The following NTM variants were observed in gnomAD, a reference collection of about 807,000 sequenced individuals.
NTM encodes IgLON family member 2.
Under a neutral mutation model 42.1 loss-of-function variants are expected in NTM, and 13 were observed. The observed-to-expected ratio is 0.31, with a 90% confidence interval of 0.20 to 0.49. NTM has a LOEUF of 0.49. Among genes scored for constraint, NTM ranks in the 20% least tolerant of loss-of-function variants. NTM has a pLI of 0.99. For missense variants in NTM, 373 were observed against 452.8 expected (o/e 0.82, Z 1.60); for synonymous variants, 187 against 179.2 (o/e 1.04, Z -0.35).
chr11:132,121,687 T>G, intron 2 of NTM, among the ~76,000 whole-genome samples: 1 of 152,222 alleles, frequency 6.6e-6, no homozygotes, highest in East Asian at 1.9e-4. Flanking sequence ...CACACAGCTC[T>G]GTGTCCCTCG....
chr11:131,983,064 T>G (rs888144243), intron 2 of NTM, among the ~76,000 whole-genome samples: 4 of 151,942 alleles, frequency 2.6e-5, no homozygotes, highest in African/African-American at 9.7e-5. Context: ...TTTTTTTTTT[T>G]TTTAGTCATA....
chr11:132,152,449 T>C (rs2072168732), intron 3 of NTM, among the ~76,000 whole-genome samples: 1 of 152,240 alleles, frequency 6.6e-6, no homozygotes, highest in Non-Finnish European at 1.5e-5. Flanking sequence ...ACCTCTCTTT[T>C]TCCTGTCCCA....
intron 1 of NTM, among the ~76,000 whole-genome samples, chr11:131,820,891 C>T (rs1474238730): frequency 6.6e-5 from 10 of 152,110 alleles, no homozygotes; most frequent in South Asian, 2.1e-4. Context: ...CTATTACAAA[C>T]GCGGCCACTA....
chr11:131,605,889 A>AT (rs1303013447), intron 1 of NTM: 1 of 982,396 alleles, frequency 1.0e-6, no homozygotes, highest in African/African-American at 1.7e-5. Flanking sequence ...ACCCCACTCT[A>AT]TTAATCATTG....
chr11:131,609,200 C>T (rs984454749), intron 1 of NTM, among the ~76,000 whole-genome samples: 1 of 152,218 alleles, frequency 6.6e-6, no homozygotes, highest in Non-Finnish European at 1.5e-5. Context: ...GATCTGACTG[C>T]CAGGGTTCCT....
At chr11:131,435,941 A>G (rs559477392) in intron 1 of NTM, among the ~76,000 whole-genome samples, 1 of 152,294 alleles carries the variant, frequency 6.6e-6, no homozygotes, top group East Asian at 1.9e-4. Flanking sequence ...AATAGCTTTT[A>G]TTATTTTAAG....
At chr11:132,068,900 C>A (rs1435721373) in intron 2 of NTM, among the ~76,000 whole-genome samples, 2 of 152,218 alleles carry the variant, frequency 1.3e-5, no homozygotes, top group East Asian at 1.9e-4. Flanking sequence ...TGAGACCCAC[C>A]CAGATTATCC....
intron 1 of NTM, among the ~76,000 whole-genome samples, chr11:131,774,691 G>A (rs1444442013): frequency 1.3e-5 from 2 of 152,206 alleles, no homozygotes; most frequent in African/African-American, 4.8e-5. Context: ...TGCCCTCAGA[G>A]CAGTTCTCTT....
chr11:132,024,316 T>C (rs1351159840), intron 2 of NTM, among the ~76,000 whole-genome samples: 8 of 152,178 alleles, frequency 5.3e-5, no homozygotes, highest in African/African-American at 1.9e-4. Flanking sequence ...GCAGTTGTCC[T>C]GGCCTTCAGT....
chr11:131,704,296 G>A (rs2076365210), intron 1 of NTM, among the ~76,000 whole-genome samples: 1 of 152,144 alleles, frequency 6.6e-6, no homozygotes, highest in Non-Finnish European at 1.5e-5. Context: ...CATCCATGGG[G>A]ACCAAGGCTC....
intron 1 of NTM, among the ~76,000 whole-genome samples, chr11:131,488,972 A>G (rs1954481742): frequency 6.6e-6 from 1 of 152,244 alleles, no homozygotes; most frequent in South Asian, 2.1e-4. Flanking sequence ...TCTAAAATCC[A>G]GGAAGGCATT....
chr11:132,095,185 T>G (rs894167088), intron 2 of NTM, among the ~76,000 whole-genome samples: 1 of 152,178 alleles, frequency 6.6e-6, no homozygotes, highest in Non-Finnish European at 1.5e-5. Context: ...TGTCTGCAGA[T>G]CTGAGGATCC....
At chr11:131,782,337 A>G (rs930768267) in intron 1 of NTM, among the ~76,000 whole-genome samples, 2 of 152,048 alleles carry the variant, frequency 1.3e-5, no homozygotes, top group African/African-American at 2.4e-5. Context: ...AATAGTCACA[A>G]GAATAAATAG....
chr11:131,456,961 A>G (rs146025519), intron 1 of NTM, among the ~76,000 whole-genome samples: 2 of 152,280 alleles, frequency 1.3e-5, no homozygotes, highest in Admixed American at 1.3e-4. Context: ...ATGCTGGATG[A>G]CGGAGGTCCA....
intron 1 of NTM, among the ~76,000 whole-genome samples, chr11:131,651,927 C>T (rs556599806): frequency 7.3e-5 from 11 of 151,668 alleles, no homozygotes; most frequent in African/African-American, 2.2e-4. Flanking sequence ...TCAGCTCATC[C>T]GCTGTGCTGT....
intron 1 of NTM, among the ~76,000 whole-genome samples, chr11:131,569,829 C>T (rs976540252): frequency 6.6e-6 from 1 of 152,202 alleles, no homozygotes; most frequent in African/African-American, 2.4e-5. Flanking sequence ...AATTCTCCCA[C>T]CACAGCTTCC....
chr11:132,334,365 C>T (rs576720213), intron 8 of NTM, among the ~76,000 whole-genome samples: 1 of 152,344 alleles, frequency 6.6e-6, no homozygotes, highest in South Asian at 2.1e-4. Flanking sequence ...GGAAGGCTTC[C>T]TGTTCCTTTG....
chr11:131,752,298 T>TG (rs2082662135), intron 1 of NTM, among the ~76,000 whole-genome samples: 1 of 152,224 alleles, frequency 6.6e-6, no homozygotes, highest in Non-Finnish European at 1.5e-5. Context: ...ATGCTCATCA[T>TG]CACTGACCAT....
chr11:132,275,692 A>ATATATATATGTATATATATACG (rs2093679351), intron 4 of NTM, among the ~76,000 whole-genome samples: 1 of 83,326 alleles, frequency 1.2e-5, no homozygotes. Context: ...TTGATGTTTT[A>ATATATATATGTATATATATACG]TATATATATG....
Sources: allele counts gnomAD v4.1 joint callset (sites outside exome capture counted in the v4.1 genomes callset), GRCh38; gene constraint gnomAD v4.1.1; transcripts MANE v1.5; gene names NCBI Gene and HGNC (gene_info 2026-07-23, HGNC 2026-07-21).